CFAP53: variants seen among roughly 807,000 people sequenced by gnomAD.
CFAP53 encodes cilia- and flagella-associated protein 53.
Under a neutral mutation model 59.7 loss-of-function variants are expected in CFAP53, and 62 were observed. The ratio of observed to expected loss-of-function variants is 1.04; its 90% CI spans 0.85 to 1.28. The LOEUF is 1.28. Ranked by LOEUF, CFAP53 falls within the 50% of genes most tolerant of loss-of-function variation. The probability of loss-of-function intolerance (pLI) is 0.00; values close to 1 mark genes in which losing one functional copy is unlikely to be tolerated. For synonymous variants in CFAP53, 218 were observed against 205.7 expected (o/e 1.06, Z -0.51); for missense variants, 629 against 615.6 (o/e 1.02, Z -0.23).
rs964051054 is a variant in CFAP53 at position 50,238,581 on chromosome 18, G to A, written c.1316+22C>T. On this transcript the variant is annotated intron_variant, in intron 7 of 7. Transcript: ENST00000398545. ...ATCCATTTTTTAGGTAGCAAATGAT[G>A]ATACAGAAAACAAAATCATACCTTG... The A allele has an allele frequency of 2.6e-6, 4 of 1,563,302 alleles. No individual in the cohort carries two copies. In the African/African-American group the frequency reaches 5.4e-5, roughly 21 times the overall value.
At chr18:50,251,427 C>A (rs904920826) in intron 4 of CFAP53, 54 bp downstream of exon 4, 1 of 1,488,110 alleles carries the variant, frequency 6.7e-7, no homozygotes, top group African/African-American at 1.4e-5. Flanking sequence ...GGCCTGCAAA[C>A]TGTACTACAC....
chr18:50,227,951 T>C (rs1284228781), intron 7 of CFAP53, among the ~76,000 whole-genome samples: 1 of 110,342 alleles, frequency 9.1e-6, no homozygotes, highest in Admixed American at 1.2e-4. Flanking sequence ...ATTCAACTTT[T>C]CTCCTTTTTT....
intron 7 of CFAP53, 130 bp from the exon 8 acceptor site, chr18:50,227,739 G>T (rs2033539534): frequency 1.5e-6 from 1 of 668,234 alleles, no homozygotes; most frequent in African/African-American, 1.8e-5. Flanking sequence ...GAGTGGAGAA[G>T]AAATAGATGA....
rs116127658 is a variant in CFAP53 at position 50,227,774 on chromosome 18, A to G, written c.1317-165T>C. On this transcript the variant is annotated intron_variant, in intron 7 of 7. Transcript: ENST00000398545. ...AAAAACTCAATAATGGGTTTCTTAC[A>G]TAATAATCATTAATATAATCCTAGG... Among the ~76,000 whole-genome samples, 1,011 of 152,238 alleles carry G rather than the reference A, an allele frequency of 6.6e-3. 13 individuals carry two copies. The highest frequency in any genetic ancestry group is 0.023 in the African/African-American group (950 of 41,532).
chr18:50,232,984 C>T (rs2033596790), intron 7 of CFAP53, among the ~76,000 whole-genome samples: 1 of 152,196 alleles, frequency 6.6e-6, no homozygotes, highest in South Asian at 2.1e-4. Context: ...AAAACTCCAG[C>T]TGGTTACATA....
Position 50,266,407 on chromosome 18 carries a change from T to C in CFAP53, c.-3A>G. 1 of 1,614,242 alleles carries C rather than the reference T, an allele frequency of 6.2e-7. No individual in the cohort carries two copies. On this transcript the variant is annotated 5_prime_UTR_variant, in exon 1 of 8. Transcript: ENST00000398545. ...GTGCCAAACCGCTGGCTGTACATTT[T>C]CGAGTCCCCTTCGGGACGGGGGCGG...
At chr18:50,251,965 G>A (rs1403485249) in intron 3 of CFAP53, among the ~76,000 whole-genome samples, 181 bp from the exon 4 acceptor site, 2 of 152,128 alleles carry the variant, frequency 1.3e-5, no homozygotes. Flanking sequence ...GGCACAGCCT[G>A]ACTATGAAAA....
intron 7 of CFAP53, among the ~76,000 whole-genome samples, chr18:50,237,900 A>G (rs574594212): frequency 9.7e-4 from 146 of 150,142 alleles, no homozygotes; most frequent in Non-Finnish European, 1.9e-3. Flanking sequence ...TCCTGTCCCT[A>G]TAAGCCATTC....
chr18:50,259,698 G>T (rs930070536), intron 3 of CFAP53, among the ~76,000 whole-genome samples: 2 of 152,010 alleles, frequency 1.3e-5, no homozygotes, highest in Non-Finnish European at 2.9e-5. Flanking sequence ...CTCCCAAAGT[G>T]CTGGAATTAC....
rs1012545102 is a variant in CFAP53, at chr18:50,242,941, T to C, written c.1172A>G (p.Asp391Gly). 3.7e-6 allele frequency: 6 copies of C among 1,613,858 alleles called. No individual in the cohort carries two copies. Among genetic ancestry groups the C allele is most frequent in the Non-Finnish European group, 4.2e-6 (5 of 1,180,030 alleles). ...AAGTTTTCTTGTACACATGACCTCATCCACAAGCTGTCTCCTTGCCTCCTT... is the reference window on the plus strand; with the variant it reads ...AAGTTTTCTTGTACACATGACCTCACCCACAAGCTGTCTCCTTGCCTCCTT... ...LEKEARRQLV[D>G]EVMCTRKLQV... The change falls in exon 6 of 8, where the codon GAT (aspartate) becomes GGT (glycine). Residue 391 changes from aspartate to glycine, a missense_variant. Physicochemically the swap from Asp to Gly is moderately conservative, Grantham distance 94. Coordinates refer to ENST00000398545, the MANE Select transcript of CFAP53 (RefSeq NM_145020.5).
chr18:50,261,239 T>C lies in CFAP53; in HGVS notation c.300-2A>G, dbSNP rs2144435726. The C allele has an allele frequency of 7.6e-7, 1 of 1,322,982 alleles. No homozygotes were observed. Among genetic ancestry groups the C allele is most frequent in the Non-Finnish European group, 9.7e-7 (1 of 1,031,798 alleles). 82.0% of individuals were successfully genotyped at this position (1,322,982 alleles called of 1,614,324 possible). A position where few individuals can be genotyped will look rare whatever the true frequency, so the allele number is the denominator to read the frequency against. On this transcript the variant is annotated splice_acceptor_variant, in intron 2 of 7. Coordinates refer to ENST00000398545, the MANE Select transcript of CFAP53 (RefSeq NM_145020.5). LOFTEE classifies it high-confidence loss of function. ...TCTAATGCTAAAAGCTCACGTAGCCTGAAACAAAAAGCCAAAAAAAAAAAA... is the reference window on the plus strand; with the variant it reads ...TCTAATGCTAAAAGCTCACGTAGCCCGAAACAAAAAGCCAAAAAAAAAAAA...
intron 3 of CFAP53, among the ~76,000 whole-genome samples, chr18:50,253,651 TTTA>T (rs1318266552): frequency 6.6e-6 from 1 of 152,178 alleles, no homozygotes; most frequent in Non-Finnish European, 1.5e-5. Context: ...CAAATTTATT[TTTA>T]TTATTTTTAT....
chr18:50,234,045 G>C (rs2033607500), intron 7 of CFAP53, among the ~76,000 whole-genome samples: 1 of 152,180 alleles, frequency 6.6e-6, no homozygotes, highest in Non-Finnish European at 1.5e-5. Context: ...GCTCACCTCT[G>C]CATCAGAAAC....
At chr18:50,242,586 A>G (rs2033700603) in intron 6 of CFAP53, among the ~76,000 whole-genome samples, 1 of 152,236 alleles carries the variant, frequency 6.6e-6, no homozygotes, top group African/African-American at 2.4e-5. Context: ...AGGGACAGAT[A>G]CAAAGGACAA....
chr18:50,228,505 A>T (rs552949743), intron 7 of CFAP53, among the ~76,000 whole-genome samples: 17 of 151,944 alleles, frequency 1.1e-4, no homozygotes, highest in Non-Finnish European at 1.5e-5. Context: ...TAAAAAACAC[A>T]TTATGATGGG....
At chr18:50,249,203 CAAAA>C (rs34676585) in intron 5 of CFAP53, among the ~76,000 whole-genome samples, 14 of 105,116 alleles carry the variant, frequency 1.3e-4, no homozygotes, top group Non-Finnish European at 1.3e-4. Flanking sequence ...AATTCTATCT[CAAAA>C]AAAAAAAAAA....
chr18:50,250,120 G>A (rs1191536586), intron 5 of CFAP53, among the ~76,000 whole-genome samples: 1 of 151,732 alleles, frequency 6.6e-6, no homozygotes, highest in African/African-American at 2.4e-5. Flanking sequence ...TCGGGAGGCT[G>A]AGGTGGGAGG....
At position 50,262,165 on chromosome 18, in the gene CFAP53, G is replaced by A. The variant is rs138060809; in HGVS notation, c.124C>T (p.Arg42Cys). ...GAEHHLERIRRSHQKHNAILA... is the reference protein window; with the variant it reads ...GAEHHLERIRCSHQKHNAILA... Reference sequence around the variant, plus strand: ...ATAGCATTATGCTTCTGATGGCTGCGTCGGATTCTTTCTAGATGGTGCTCA... The same window carrying A: ...ATAGCATTATGCTTCTGATGGCTGCATCGGATTCTTTCTAGATGGTGCTCA... The change falls in exon 2 of 8, where the codon CGC (arginine) becomes TGC (cysteine). Residue 42 changes from arginine (R) to cysteine (C), a missense_variant. Coordinates refer to ENST00000398545, the MANE Select transcript of CFAP53 (RefSeq NM_145020.5). 255 of 1,614,172 alleles carry A rather than the reference G, an allele frequency of 1.6e-4. No individual in the cohort carries two copies. In the African/African-American group the frequency reaches 3.0e-3, roughly 19 times the overall value.
At chr18:50,245,255 G>A (rs567225805) in intron 5 of CFAP53, among the ~76,000 whole-genome samples, 28 of 150,884 alleles carry the variant, frequency 1.9e-4, no homozygotes, top group South Asian at 6.3e-4. Context: ...GGTGGTGGGC[G>A]CCTGTAGTCC....
Sources: allele counts gnomAD v4.1 joint callset (sites outside exome capture counted in the v4.1 genomes callset), GRCh38; gene constraint gnomAD v4.1.1; transcripts MANE v1.5; gene names NCBI Gene and HGNC (gene_info 2026-07-23, HGNC 2026-07-21).